ANO3: variants seen among roughly 807,000 people sequenced by gnomAD.
ANO3 encodes anoctamin 3.
In ANO3, 99 loss-of-function variants were observed where a neutral mutation model predicts 144.8. That is an observed-to-expected ratio of 0.68 (90% CI 0.58 to 0.81). ANO3 has a LOEUF of 0.81. ANO3 is among the 30% of genes least tolerant of loss of function. The pLI is 0.00. For synonymous variants in ANO3, 414 were observed against 392.6 expected (o/e 1.05, Z -0.64); for missense variants, 905 against 1,202.2 (o/e 0.75, Z 3.66).
At chr11:26,550,287 C>T (rs1039838985) in intron 12 of ANO3, among the ~76,000 whole-genome samples, 2 of 151,712 alleles carry the variant, frequency 1.3e-5, no homozygotes, top group African/African-American at 2.4e-5. Flanking sequence ...GATGAGAACA[C>T]AGAGTGACAT....
intron 5 of ANO3, among the ~76,000 whole-genome samples, chr11:26,512,733 A>G (rs552689034): frequency 6.6e-6 from 1 of 152,286 alleles, no homozygotes; most frequent in East Asian, 1.9e-4. Context: ...TTACTTGAGT[A>G]TATTAGATTA....
chr11:26,574,472 T>TA (rs1008240474), intron 14 of ANO3, among the ~76,000 whole-genome samples: 2 of 152,176 alleles, frequency 1.3e-5, no homozygotes, highest in Non-Finnish European at 2.9e-5. Flanking sequence ...TTTAGTCTGA[T>TA]ACAGGCTACA....
At chr11:26,426,342 C>A (rs750658121) in intron 1 of ANO3, among the ~76,000 whole-genome samples, 1 of 152,012 alleles carries the variant, frequency 6.6e-6, no homozygotes, top group Admixed American at 6.6e-5. Flanking sequence ...AGGAAATGGA[C>A]CCCATCTTGT....
intron 17 of ANO3, among the ~76,000 whole-genome samples, chr11:26,603,076 G>T (rs1167329737): frequency 1.3e-5 from 2 of 152,120 alleles, no homozygotes; most frequent in East Asian, 1.9e-4. Flanking sequence ...TAAATAAAAA[G>T]ATAATTACCT....
At chr11:26,307,138 G>A (rs188597055), upstream of ANO3, among the ~76,000 whole-genome samples, 373 of 146,754 alleles carry the variant, frequency 2.5e-3, 1 homozygote, top group African/African-American at 7.7e-3. Context: ...GGCGGATCAC[G>A]AGGTCAGGAG....
intron 1 of ANO3, among the ~76,000 whole-genome samples, chr11:26,432,125 T>C (rs922258812): frequency 4.6e-5 from 7 of 152,160 alleles, no homozygotes; most frequent in African/African-American, 1.4e-4. Flanking sequence ...TGGTATCTCA[T>C]TGTGGTTTTG....
intron 1 of ANO3, among the ~76,000 whole-genome samples, chr11:26,321,912 G>A (rs79262454): frequency 0.058 from 8,867 of 151,928 alleles, 477 homozygotes; most frequent in African/African-American, 0.14. Flanking sequence ...TTTAATTATT[G>A]CTATACTTTC....
chr11:26,228,764 C>T (rs1307330486), intron 1 of ANO3, among the ~76,000 whole-genome samples: 2 of 152,116 alleles, frequency 1.3e-5, no homozygotes, highest in Non-Finnish European at 2.9e-5. Context: ...AGGGCATGCT[C>T]TTGGATGAAG....
At chr11:26,622,430 G>GAAAAAAAA (rs72360962) in intron 17 of ANO3, among the ~76,000 whole-genome samples, 1 of 134,130 alleles carries the variant, frequency 7.5e-6, no homozygotes. Context: ...AGCCATCTCT[G>GAAAAAAAA]AAAAAAAAAA....
chr11:26,494,918 T>C (rs996418960), intron 4 of ANO3, among the ~76,000 whole-genome samples: 8 of 152,270 alleles, frequency 5.3e-5, no homozygotes, highest in African/African-American at 1.9e-4. Flanking sequence ...AGAGAAGGGT[T>C]ATAATCCACT....
At chr11:26,417,658 T>A (rs1002660882) in intron 1 of ANO3, among the ~76,000 whole-genome samples, 7 of 152,020 alleles carry the variant, frequency 4.6e-5, no homozygotes, top group East Asian at 3.9e-4. Context: ...ACATATTTTT[T>A]AAAATATTAT....
chr11:26,305,989 C>T (rs138079069), upstream of ANO3, among the ~76,000 whole-genome samples: 1 of 152,262 alleles, frequency 6.6e-6, no homozygotes, highest in African/African-American at 2.4e-5. Context: ...AGTCTCGCTT[C>T]TCGCTGTCGC....
upstream of ANO3, among the ~76,000 whole-genome samples, chr11:26,308,513 C>G (rs1179206190): frequency 6.6e-6 from 1 of 152,132 alleles, no homozygotes; most frequent in Non-Finnish European, 1.5e-5. Flanking sequence ...AGATATTTTA[C>G]AGAATTTTTT....
intron 1 of ANO3, among the ~76,000 whole-genome samples, chr11:26,255,916 G>A (rs1472969830): frequency 6.6e-6 from 1 of 152,100 alleles, no homozygotes; most frequent in African/African-American, 2.4e-5. Flanking sequence ...GACTTGACTA[G>A]AAAAGGCCAG....
rs1481774914 is a variant in ANO3, at chr11:26,662,283, T to C, written c.*1839T>C. On this transcript the variant is annotated 3_prime_UTR_variant, in exon 27 of 27. Transcript: ENST00000256737. ...CAAGTGCCGTTGTTATGTGAAACTC[T>C]TCCATTCAGATTCCAGAGAGGTTCT... is the stretch of plus-strand genomic sequence containing the variant. 1 of 151,146 alleles carries C rather than the reference T, an allele frequency of 6.6e-6. No individual in the cohort carries two copies. Among genetic ancestry groups the C allele is most frequent in the East Asian group, 2.0e-4 (1 of 5,084 alleles). 9.4% of individuals were successfully genotyped at this position (151,146 alleles called of 1,614,324 possible). A position where few individuals can be genotyped will look rare whatever the true frequency, so the allele number is the denominator to read the frequency against.
At chr11:26,365,282 C>G (rs890451041) in intron 1 of ANO3, among the ~76,000 whole-genome samples, 1 of 152,192 alleles carries the variant, frequency 6.6e-6, no homozygotes, top group Non-Finnish European at 1.5e-5. Flanking sequence ...GCAAAGACTG[C>G]TCTCATAGGT....
upstream of ANO3, among the ~76,000 whole-genome samples, chr11:26,330,986 A>G (rs1019682790): frequency 5.3e-5 from 8 of 152,352 alleles, no homozygotes; most frequent in Non-Finnish European, 1.2e-4. Context: ...TACATCTTCC[A>G]GGAAGAACTT....
intron 14 of ANO3, among the ~76,000 whole-genome samples, chr11:26,568,045 T>C (rs539083284): frequency 6.6e-6 from 1 of 152,158 alleles, no homozygotes; most frequent in East Asian, 1.9e-4. Context: ...ACTCTATTTC[T>C]CAACCTGATT....
At chr11:26,539,659 G>A (rs416114) in intron 10 of ANO3, among the ~76,000 whole-genome samples, 2 of 151,892 alleles carry the variant, frequency 1.3e-5, no homozygotes, top group African/African-American at 4.8e-5. Flanking sequence ...ATGACTCAAG[G>A]TGTCTTCTTT....
Sources: allele counts gnomAD v4.1 joint callset (sites outside exome capture counted in the v4.1 genomes callset), GRCh38; gene constraint gnomAD v4.1.1; transcripts MANE v1.5; gene names NCBI Gene and HGNC (gene_info 2026-07-23, HGNC 2026-07-21).